TRDN: variants seen among roughly 807,000 people sequenced by gnomAD.
The protein encoded by TRDN is triadin in skeletal muscle.
TRDN carries 161 observed loss-of-function variants against 149.7 expected under a neutral mutation model. The ratio of observed to expected loss-of-function variants is 1.08; its 90% CI spans 0.95 to 1.23. The LOEUF (loss-of-function observed/expected upper bound fraction) is 1.23, where lower values mean the gene tolerates loss of function less well. Ranked by LOEUF, TRDN falls within the 50% of genes most tolerant of loss-of-function variation. The probability of loss-of-function intolerance (pLI) is 0.00; values close to 1 mark genes in which losing one functional copy is unlikely to be tolerated. For synonymous variants in TRDN, 294 were observed against 250.5 expected (o/e 1.17, Z -1.64); for missense variants, 896 against 823.5 (o/e 1.09, Z -1.08).
chr6:123,288,357 A>G (rs1777873975), intron 24 of TRDN, among the ~76,000 whole-genome samples: 1 of 152,098 alleles, frequency 6.6e-6, no homozygotes, highest in Admixed American at 6.6e-5. Flanking sequence ...CCAAAAGTAC[A>G]GGCAACAAAA....
chr6:123,253,659 C>G (rs566700496), intron 37 of TRDN, among the ~76,000 whole-genome samples: 1 of 152,208 alleles, frequency 6.6e-6, no homozygotes, highest in East Asian at 1.9e-4. Flanking sequence ...TCTCAATTAT[C>G]TCTGAGTTGG....
At chr6:123,301,464 C>T (rs1015415762) in intron 24 of TRDN, among the ~76,000 whole-genome samples, 2 of 151,712 alleles carry the variant, frequency 1.3e-5, no homozygotes, top group Non-Finnish European at 2.9e-5. Context: ...GAGTCCACTT[C>T]CCTGCCTGTA....
At chr6:123,462,480 C>T (rs1221181479) in intron 10 of TRDN, 1 of 151,698 alleles carries the variant, frequency 6.6e-6, no homozygotes, top group African/African-American at 2.4e-5. Context: ...CCATACAGAG[C>T]CACATTTTTT....
chr6:123,563,960 A>T (rs1397149471), intron 2 of TRDN, among the ~76,000 whole-genome samples: 13 of 152,236 alleles, frequency 8.5e-5, no homozygotes, highest in Non-Finnish European at 2.9e-5. Context: ...AATAAAAACA[A>T]TATCCGGTTT....
rs1188677769 is a variant in TRDN at position 123,284,005 on chromosome 6, T to TATATATAA, written c.1511-4924_1511-4923insTTATATAT. 5.7e-5 allele frequency among the ~76,000 whole-genome samples: 7 copies of TATATATAA among 122,762 alleles called. 1 individual carries two copies. In the South Asian group the frequency reaches 1.0e-3, roughly 18 times the overall value. The allele number at this position is 122,762 out of a possible 152,430, so 80.5% of individuals were successfully genotyped here. On this transcript the variant is annotated intron_variant, in intron 24 of 40. Transcript: ENST00000334268. ...TGGCACATATATATATATATATATG[T>TATATATAA]AACAAACCTGCACATTGTGCACATG...
At chr6:123,465,065 C>T (rs1327163601) in intron 9 of TRDN, 82 bp from the exon 10 acceptor site, 21 of 1,403,862 alleles carry the variant, frequency 1.5e-5, no homozygotes, top group Non-Finnish European at 2.0e-5. Flanking sequence ...AGATCTGTCC[C>T]CTACATGCAT....
chr6:123,234,146 G>C (rs6934366), intron 38 of TRDN, among the ~76,000 whole-genome samples: 2 of 151,872 alleles, frequency 1.3e-5, no homozygotes, highest in Non-Finnish European at 2.9e-5. Context: ...CCCTGGTATC[G>C]ACTACTACCC....
chr6:123,351,025 G>C, intron 21 of TRDN: 1 of 969,832 alleles, frequency 1.0e-6, no homozygotes, highest in Non-Finnish European at 1.2e-6. Flanking sequence ...TGTCTGTTTG[G>C]TACTATTATT....
chr6:123,536,730 TAAAA>T (rs1554254689), intron 4 of TRDN, among the ~76,000 whole-genome samples: 1 of 148,356 alleles, frequency 6.7e-6, no homozygotes, highest in African/African-American at 2.5e-5. Flanking sequence ...AATAAATAAA[TAAAA>T]ATGAGCTGGG....
intron 2 of TRDN, among the ~76,000 whole-genome samples, chr6:123,567,084 T>C (rs114201606): frequency 6.6e-6 from 1 of 152,212 alleles, no homozygotes; most frequent in South Asian, 2.1e-4. Context: ...TGGCATTTCA[T>C]CTGATAGGGA....
chr6:123,619,179 A>T (rs1379928327), intron 1 of TRDN, among the ~76,000 whole-genome samples: 3 of 152,218 alleles, frequency 2.0e-5, no homozygotes, highest in Non-Finnish European at 4.4e-5. Flanking sequence ...CTGTAGCTGC[A>T]TAATAAAAGA....
chr6:123,265,517 G>T (rs1455429964), intron 32 of TRDN, among the ~76,000 whole-genome samples, 179 bp from the exon 33 acceptor site: 1 of 151,228 alleles, frequency 6.6e-6, no homozygotes, highest in Non-Finnish European at 1.5e-5. Flanking sequence ...CTCCCAATGA[G>T]TTTCTCATGG....
intron 14 of TRDN, among the ~76,000 whole-genome samples, chr6:123,385,921 G>A (rs1443655959): frequency 1.3e-5 from 2 of 151,936 alleles, no homozygotes; most frequent in Admixed American, 6.6e-5. Flanking sequence ...AAAGCTCACT[G>A]GAATATACCT....
chr6:123,314,778 C>T (rs1048824368), intron 24 of TRDN, among the ~76,000 whole-genome samples: 5 of 151,772 alleles, frequency 3.3e-5, no homozygotes, highest in African/African-American at 9.7e-5. Context: ...CACTTGTAAG[C>T]GGGAGCTAAA....
At chr6:123,228,400 C>T in intron 38 of TRDN, among the ~76,000 whole-genome samples, 1 of 151,912 alleles carries the variant, frequency 6.6e-6, no homozygotes, top group East Asian at 1.9e-4. Context: ...ATTTAATTGA[C>T]TCACATTTCA....
chr6:123,449,658 A>C (rs1775643250), intron 10 of TRDN, among the ~76,000 whole-genome samples: 1 of 152,180 alleles, frequency 6.6e-6, no homozygotes, highest in Non-Finnish European at 1.5e-5. Flanking sequence ...GGGAATAATC[A>C]AGGAAAACTA....
At chr6:123,552,863 A>G (rs994279362) in intron 2 of TRDN, among the ~76,000 whole-genome samples, 2 of 152,094 alleles carry the variant, frequency 1.3e-5, no homozygotes, top group African/African-American at 4.8e-5. Flanking sequence ...TTGCTTTCCC[A>G]AAGTCACTAT....
rs369318318 is a variant in TRDN, at chr6:123,352,472, G to A, written c.1369+67C>T. ...ATTGTCTTCCGCCTGTCTGAATCCAGTGCTTTCCTCCGCATGTTGTTGTCT... is the reference window on the plus strand; with the variant it reads ...ATTGTCTTCCGCCTGTCTGAATCCAATGCTTTCCTCCGCATGTTGTTGTCT... On this transcript the variant is annotated intron_variant, in intron 21 of 40. Coordinates refer to ENST00000334268, the MANE Select transcript of TRDN (RefSeq NM_006073.4). The A allele has an allele frequency of 1.7e-5, 27 of 1,593,252 alleles. No homozygotes were observed. The South Asian group carries it at 2.2e-4, about 13-fold the overall frequency.
chr6:123,255,272 T>C (rs1471015342), intron 36 of TRDN, 147 bp from the exon 37 acceptor site: 1 of 396,518 alleles, frequency 2.5e-6, no homozygotes, highest in African/African-American at 2.1e-5. Context: ...ATCCAACTGG[T>C]ACCTAACAAA....
Sources: allele counts gnomAD v4.1 joint callset (sites outside exome capture counted in the v4.1 genomes callset), GRCh38; gene constraint gnomAD v4.1.1; transcripts MANE v1.5; gene names NCBI Gene and HGNC (gene_info 2026-07-23, HGNC 2026-07-21).